Variants in SLC25A21 observed in about 807,000 individuals in gnomAD.
SLC25A21 encodes the protein mitochondrial 2-oxodicarboxylate carrier.
In SLC25A21, 47 loss-of-function variants were observed where a neutral mutation model predicts 43.8. That is an observed-to-expected ratio of 1.07 (90% CI 0.85 to 1.37). The LOEUF (loss-of-function observed/expected upper bound fraction) is 1.37, where lower values mean the gene tolerates loss of function less well. Ranked by LOEUF, SLC25A21 falls within the 40% of genes most tolerant of loss-of-function variation. The pLI is 0.00. For synonymous variants in SLC25A21, 131 were observed against 121.3 expected (o/e 1.08, Z -0.52); for missense variants, 352 against 350.2 (o/e 1.00, Z -0.04).
chr14:37,168,344 G>A (rs1212782938), intron 1 of SLC25A21, among the ~76,000 whole-genome samples: 1 of 152,142 alleles, frequency 6.6e-6, no homozygotes, highest in Non-Finnish European at 1.5e-5. Flanking sequence ...GTACGCATCA[G>A]TTTCTTCTGA....
In SLC25A21 at chr14:36,736,389, C is replaced by T. The variant is rs182384199; in HGVS notation, c.204-1816G>A. Among the ~76,000 whole-genome samples the T allele has an allele frequency of 4.6e-5, 7 of 152,236 alleles. No homozygotes were observed. In the East Asian group the frequency reaches 5.8e-4, roughly 13 times the overall value. On this transcript the variant is annotated intron_variant, in intron 3 of 9. Coordinates refer to ENST00000331299, the MANE Select transcript of SLC25A21 (RefSeq NM_030631.4). ...GATGCCTGAAATTCTCACATCAACA[C>T]GAATTACTTCTAGCAACTAATAACA...
chr14:37,129,404 T>C (rs1963354728), intron 1 of SLC25A21, among the ~76,000 whole-genome samples: 2 of 152,136 alleles, frequency 1.3e-5, no homozygotes, highest in East Asian at 1.9e-4. Context: ...TAGAACACAG[T>C]TGTGGTGAGA....
intron 1 of SLC25A21, among the ~76,000 whole-genome samples, chr14:36,891,429 G>A (rs59517279): frequency 6.6e-6 from 1 of 152,180 alleles, no homozygotes; most frequent in African/African-American, 2.4e-5. Flanking sequence ...GGTAATTTTT[G>A]AATAAATAGA....
chr14:36,989,991 AGTCAAGCTGCT>A (rs940908832), intron 1 of SLC25A21, among the ~76,000 whole-genome samples: 3 of 152,214 alleles, frequency 2.0e-5, no homozygotes, highest in African/African-American at 7.2e-5. Context: ...TCTGGCAGCA[AGTCAAGCTGCT>A]GTCATAAAGT....
At chr14:36,841,523 T>C (rs561905600) in intron 2 of SLC25A21, among the ~76,000 whole-genome samples, 1 of 152,294 alleles carries the variant, frequency 6.6e-6, no homozygotes, top group South Asian at 2.1e-4. Context: ...CCATTGATCT[T>C]CCTTTCAAAC....
intron 3 of SLC25A21, among the ~76,000 whole-genome samples, chr14:36,748,461 G>A (rs1417248313): frequency 6.6e-6 from 1 of 152,182 alleles, no homozygotes; most frequent in Non-Finnish European, 1.5e-5. Flanking sequence ...TGGATTTACT[G>A]AGTCAACGTC....
At chr14:37,044,525 A>G (rs1005521531) in intron 1 of SLC25A21, among the ~76,000 whole-genome samples, 2 of 152,182 alleles carry the variant, frequency 1.3e-5, no homozygotes, top group African/African-American at 2.4e-5. Context: ...ATAGGTAAGC[A>G]TATTTTAGGA....
intron 1 of SLC25A21, among the ~76,000 whole-genome samples, chr14:37,103,628 G>A (rs1456775420): frequency 5.3e-5 from 8 of 152,158 alleles, no homozygotes; most frequent in Admixed American, 5.2e-4. Context: ...CAAGATCCAT[G>A]TTCTTTCCAC....
intron 1 of SLC25A21, among the ~76,000 whole-genome samples, chr14:37,099,339 C>T (rs985325388): frequency 1.3e-5 from 2 of 152,124 alleles, no homozygotes; most frequent in Admixed American, 1.3e-4. Context: ...TCTCTTTCCC[C>T]TTAACATTTA....
intron 4 of SLC25A21, among the ~76,000 whole-genome samples, chr14:36,730,679 C>T (rs1046442020): frequency 1.3e-5 from 2 of 152,148 alleles, no homozygotes; most frequent in African/African-American, 4.8e-5. Context: ...ACTTTTGTGC[C>T]ATGGTCTTTC....
intron 1 of SLC25A21, among the ~76,000 whole-genome samples, chr14:37,072,608 G>A (rs890633238): frequency 5.3e-5 from 8 of 152,162 alleles, no homozygotes; most frequent in South Asian, 2.1e-4. Context: ...TTAGTTGGGC[G>A]TGGTGGTGCA....
At chr14:36,940,868 G>C (rs916876737) in intron 1 of SLC25A21, among the ~76,000 whole-genome samples, 5 of 152,116 alleles carry the variant, frequency 3.3e-5, no homozygotes, top group African/African-American at 1.2e-4. Context: ...CTGGAGAAAA[G>C]TACTGTGAAG....
intron 1 of SLC25A21, among the ~76,000 whole-genome samples, chr14:36,899,083 T>C (rs1183333779): frequency 1.3e-5 from 2 of 152,126 alleles, no homozygotes; most frequent in African/African-American, 4.8e-5. Flanking sequence ...GACAATTTTA[T>C]CTGTCAATTA....
At chr14:36,918,919 C>G (rs1326501387) in intron 1 of SLC25A21, among the ~76,000 whole-genome samples, 4 of 151,870 alleles carry the variant, frequency 2.6e-5, no homozygotes, top group East Asian at 3.9e-4. Context: ...ATTTAACAAC[C>G]CTCCTCTGTG....
chr14:37,086,702 C>G (rs907260003), intron 1 of SLC25A21, among the ~76,000 whole-genome samples: 1 of 152,146 alleles, frequency 6.6e-6, no homozygotes, highest in Middle Eastern at 3.4e-3. Flanking sequence ...ATAATAGTAC[C>G]CACATCAAGA....
intron 6 of SLC25A21, 53 bp downstream of exon 6, chr14:36,725,517 A>G: frequency 1.7e-6 from 1 of 583,914 alleles, no homozygotes; most frequent in Non-Finnish European, 2.5e-6. Context: ...ATAAATAAAT[A>G]AATAAATAAA....
At chr14:37,112,306 T>C (rs1648196840) in intron 1 of SLC25A21, among the ~76,000 whole-genome samples, 4 of 152,030 alleles carry the variant, frequency 2.6e-5, no homozygotes. Context: ...CTATTTACAT[T>C]GAACATTCTC....
At chr14:37,161,996 T>TA (rs888940153) in intron 1 of SLC25A21, among the ~76,000 whole-genome samples, 7 of 137,834 alleles carry the variant, frequency 5.1e-5, no homozygotes, top group South Asian at 2.3e-4. Context: ...AATCTAATAT[T>TA]AAAAAAAAAA....
intron 1 of SLC25A21, among the ~76,000 whole-genome samples, chr14:37,153,182 C>T (rs1347308612): frequency 6.6e-6 from 1 of 152,166 alleles, no homozygotes; most frequent in Non-Finnish European, 1.5e-5. Flanking sequence ...GACGAAGGGA[C>T]AGGGCTGCTC....
Sources: gnomAD v4.1 joint callset for allele counts (sites outside exome capture counted in the v4.1 genomes callset) on GRCh38, gnomAD v4.1.1 for gene constraint, MANE v1.5 for transcripts, NCBI Gene and HGNC (gene_info 2026-07-23, HGNC 2026-07-21) for gene names.